Variants in NUBP1 observed in about 807,000 individuals in gnomAD.
NUBP1 encodes the protein NUBP iron-sulfur cluster assembly factor 1, cytosolic.
NUBP1 carries 46 observed loss-of-function variants against 41.8 expected under a neutral mutation model. The observed-to-expected ratio is 1.10, with a 90% CI of 0.87 to 1.41. The LOEUF is 1.41. Ranked by LOEUF, NUBP1 falls within the 40% of genes most tolerant of loss-of-function variation. NUBP1 has a pLI of 0.00. For missense variants in NUBP1, 494 were observed against 414.0 expected (o/e 1.19, Z -1.68); for synonymous variants, 189 against 154.6 (o/e 1.22, Z -1.65).
intron 9 of NUBP1, among the ~76,000 whole-genome samples, chr16:10,762,668 C>A (rs2030142806): frequency 6.6e-6 from 1 of 152,088 alleles, no homozygotes; most frequent in South Asian, 2.1e-4. Flanking sequence ...GGCCGGGATC[C>A]AGGAGTGCCG....
chr16:10,757,811 G>C lies in NUBP1; in HGVS notation c.452-62G>C. 1 of 1,570,854 alleles carries C rather than the reference G, an allele frequency of 6.4e-7. No individual in the cohort carries two copies. The highest frequency in any genetic ancestry group is 1.7e-4 in the Middle Eastern group (1 of 5,878). ...GACCCCATCCTTTAAAAAAAAAAGA[G>C]GGAGTTGAAAGTACAGAAAAGAAAG... is the stretch of plus-strand genomic sequence containing the variant. On this transcript the variant is annotated intron_variant, in intron 6 of 10. Transcript: ENST00000283027. This position sits in a 1 kb window ranked among gnomAD's most constrained non-coding sequence, Gnocchi z 4.1.
rs758416439 is a variant in NUBP1 at position 10,761,402 on chromosome 16, C to A, written c.645C>A (p.Phe215Leu). 1.2e-6 allele frequency: 2 copies of A among 1,614,162 alleles called. No homozygotes were observed. The highest frequency in any genetic ancestry group is 1.7e-6 in the Non-Finnish European group (2 of 1,180,002). The change falls in exon 8 of 11, where the codon TTC (phenylalanine) becomes TTA (leucine). Residue 215 changes from phenylalanine (F) to leucine (L), a missense_variant. Phe to Leu is a conservative substitution (Grantham distance 22). Coordinates refer to ENST00000283027, the MANE Select transcript of NUBP1 (RefSeq NM_002484.4). ...AGGATGTCCGGAAAGAAATCAACTT[C>A]TGCCGCAAGGTGAAGCTGCCCATCA... ...SLQDVRKEIN[F>L]CRKVKLPIIG... is the part of the protein sequence containing the mutation.
At chr16:10,750,369 G>T (rs1900265462) in intron 3 of NUBP1, among the ~76,000 whole-genome samples, 1 of 152,190 alleles carries the variant, frequency 6.6e-6, no homozygotes, top group Non-Finnish European at 1.5e-5. Context: ...AGCCTCTGGA[G>T]TACCTGGGAT....
chr16:10,764,354 TCAGTCTGCTGGAGTATGC>T (rs939937261), intron 9 of NUBP1, among the ~76,000 whole-genome samples: 1 of 152,126 alleles, frequency 6.6e-6, no homozygotes, highest in Non-Finnish European at 1.5e-5. Flanking sequence ...TTGGAGCATC[TCAGTCTGCTGGAGTATGC>T]CAGTCTGTTG....
chr16:10,762,879 C>CT (rs1217556613), intron 9 of NUBP1, among the ~76,000 whole-genome samples: 1 of 151,884 alleles, frequency 6.6e-6, no homozygotes, highest in African/African-American at 2.4e-5. Context: ...CGTGGGGAGC[C>CT]TTGGGGAAGG....
chr16:10,757,798 T>TAAA lies in NUBP1; in HGVS notation c.452-67_452-65dup. 1.6e-6 allele frequency: 2 copies of TAAA among 1,222,236 alleles called. No homozygotes were observed. Among genetic ancestry groups the TAAA allele is most frequent in the Non-Finnish European group, 2.2e-6 (2 of 891,016 alleles). The allele number at this position is 1,222,236 out of a possible 1,614,324, so 75.7% of individuals were successfully genotyped here. On this transcript the variant is annotated intron_variant, in intron 6 of 10. Transcript: ENST00000283027. This position sits in a 1 kb window ranked among gnomAD's most constrained non-coding sequence, Gnocchi z 4.1. ...GGCAACATAGCAAGACCCCATCCTT[T>TAAA]AAAAAAAAAAGAGGGAGTTGAAAGT...
At position 10,764,313 on chromosome 16, in the gene NUBP1, G is replaced by T. The variant is rs188860740; in HGVS notation, c.820+2454G>T. Reference sequence around the variant, plus strand: ...TCTGCTGGAGTATTTGTCTATTGGAGCATCTCAGTCTGCTGGAGTGTGGCA... The same window carrying T: ...TCTGCTGGAGTATTTGTCTATTGGATCATCTCAGTCTGCTGGAGTGTGGCA... On this transcript the variant is annotated intron_variant, in intron 9 of 10. Coordinates refer to ENST00000283027, the MANE Select transcript of NUBP1 (RefSeq NM_002484.4). Among the ~76,000 whole-genome samples the T allele has an allele frequency of 3.3e-5, 5 of 152,360 alleles. No homozygotes were observed. The South Asian group carries it at 1.0e-3, about 32-fold the overall frequency.
At chr16:10,751,506 A>G (rs573368801) in intron 3 of NUBP1, among the ~76,000 whole-genome samples, 16 of 152,232 alleles carry the variant, frequency 1.1e-4, no homozygotes, top group African/African-American at 3.6e-4. Flanking sequence ...GGGTTTGTTG[A>G]GAGGATTGAA....
rs2031186934 is a variant in NUBP1, at chr16:10,768,212, A to G, written c.904+180A>G. 3 of 496,090 alleles carry G rather than the reference A, an allele frequency of 6.0e-6. No individual in the cohort carries two copies. 30.7% of individuals were successfully genotyped at this position (496,090 alleles called of 1,614,324 possible). A position where few individuals can be genotyped will look rare whatever the true frequency, so the allele number is the denominator to read the frequency against. On this transcript the variant is annotated intron_variant, in intron 10 of 10. Transcript: ENST00000283027. The surrounding 1 kb of genome is among the most constrained non-coding windows in gnomAD (Gnocchi z 4.3). Reference sequence around the variant, plus strand: ...CTCAATGTGTGAGTATTGTGAATTAATTCATAGTTTAAAAAACATGGTGAG... The same window carrying G: ...CTCAATGTGTGAGTATTGTGAATTAGTTCATAGTTTAAAAAACATGGTGAG...
chr16:10,749,170 C>T lies in NUBP1; in HGVS notation c.258+1894C>T, dbSNP rs903541694. Among the ~76,000 whole-genome samples the T allele has an allele frequency of 1.5e-4, 22 of 147,354 alleles. No individual in the cohort carries two copies. Among genetic ancestry groups the T allele is most frequent in the Non-Finnish European group, 3.0e-5 (2 of 66,848 alleles). ...ACACACACACACACACACACACACA[C>T]GTTGATTCGTCATTCTGTGAGTCAG... On this transcript the variant is annotated intron_variant, in intron 3 of 10. Coordinates refer to ENST00000283027, the MANE Select transcript of NUBP1 (RefSeq NM_002484.4). This position sits in a 1 kb window ranked among gnomAD's most constrained non-coding sequence, Gnocchi z 4.1.
intron 3 of NUBP1, among the ~76,000 whole-genome samples, chr16:10,748,802 C>T (rs1394253364): frequency 6.6e-6 from 1 of 152,052 alleles, no homozygotes; most frequent in Non-Finnish European, 1.5e-5. Context: ...TCAAAATACA[C>T]TTGTTGGGCA....
Position 10,767,000 on chromosome 16 carries a change from TC to T in NUBP1, c.821-945del, listed in dbSNP as rs1333142136. The T allele has an allele frequency of 1.8e-5, 7 of 398,756 alleles. No homozygotes were observed. In the East Asian group the frequency reaches 2.1e-4, roughly 12 times the overall value. 24.7% of individuals were successfully genotyped at this position (398,756 alleles called of 1,614,324 possible). A position where few individuals can be genotyped will look rare whatever the true frequency, so the allele number is the denominator to read the frequency against. ...CACCAACCCCTCCCCACAGGCTTCTTCCCCGACTTGGACTTCCCTGTCCCAC... is the reference window on the plus strand; with the variant it reads ...CACCAACCCCTCCCCACAGGCTTCTTCCCGACTTGGACTTCCCTGTCCCAC... On this transcript the variant is annotated intron_variant, in intron 9 of 10. Transcript: ENST00000283027. The surrounding 1 kb of genome is among the most constrained non-coding windows in gnomAD (Gnocchi z 4.8).
rs1900682057 is a variant in NUBP1 at position 10,758,028 on chromosome 16, G to A, written c.606+1G>A. On this transcript the variant is annotated splice_donor_variant, in intron 7 of 10. Coordinates refer to ENST00000283027, the MANE Select transcript of NUBP1 (RefSeq NM_002484.4). LOFTEE classifies it high-confidence loss of function. The stretch of plus-strand genomic sequence containing the variant: ...AGCAGTGATCATCACCACTCCCCAG[G>A]TGAGCGAGCTGCCAGCTGGAGCTGG... 1 of 1,611,662 alleles carries A rather than the reference G, an allele frequency of 6.2e-7. No individual in the cohort carries two copies. Among genetic ancestry groups the A allele is most frequent in the South Asian group, 1.1e-5 (1 of 91,054 alleles).
At chr16:10,758,536 C>T (rs939596809) in intron 7 of NUBP1, among the ~76,000 whole-genome samples, 14 of 152,096 alleles carry the variant, frequency 9.2e-5, no homozygotes, top group South Asian at 2.1e-4. Context: ...AACCATTCAA[C>T]GATTTGGTTT....
At position 10,767,630 on chromosome 16, in the gene NUBP1, T is replaced by C; in HGVS notation, c.821-319T>C. On this transcript the variant is annotated intron_variant, in intron 9 of 10. Transcript: ENST00000283027. This position sits in a 1 kb window ranked among gnomAD's most constrained non-coding sequence, Gnocchi z 4.6. ...TTTTAACCATGTGCATTCATGATCC[T>C]TTCACTCAAAAGCTAATCTCTTAAA... The C allele has an allele frequency of 2.3e-6, 1 of 435,308 alleles. No homozygotes were observed. Among genetic ancestry groups the C allele is most frequent in the Non-Finnish European group, 4.0e-6 (1 of 246,994 alleles). 27.0% of individuals were successfully genotyped at this position (435,308 alleles called of 1,614,324 possible).
chr16:10,748,840 A>G (rs1254159641), intron 3 of NUBP1, among the ~76,000 whole-genome samples: 1 of 152,142 alleles, frequency 6.6e-6, no homozygotes, highest in Non-Finnish European at 1.5e-5. Context: ...CTGTAATCAC[A>G]GCACTTTGGG....
chr16:10,758,095 G>A (rs755292748), intron 7 of NUBP1, 68 bp downstream of exon 7: 495 of 1,557,002 alleles, frequency 3.2e-4, no homozygotes, highest in Non-Finnish European at 4.1e-4. Flanking sequence ...TTTCCTACCT[G>A]GCTCTGATAC....
Position 10,761,796 on chromosome 16 carries a change from G to C in NUBP1, c.757G>C (p.Glu253Gln). 1 of 1,614,086 alleles carries C rather than the reference G, an allele frequency of 6.2e-7. No homozygotes were observed. The highest frequency in any genetic ancestry group is 1.1e-5 in the South Asian group (1 of 91,078). Reference protein sequence around the residue: ...QIFPPTTGGAELMCQDLEVPL... With the variant: ...QIFPPTTGGAQLMCQDLEVPL... ...ATTCCCTCCCACAACCGGGGGCGCG[G>C]AGCTCATGTGCCAGGACTTGGAGGT... is the stretch of plus-strand genomic sequence containing the variant. The change falls in exon 9 of 11, where the codon GAG becomes CAG. Residue 253 changes from glutamate (E) to glutamine (Q), a missense_variant. Physicochemically the swap from Glu to Gln is conservative, Grantham distance 29. Transcript: ENST00000283027.
intron 6 of NUBP1, 108 bp downstream of exon 6, chr16:10,756,888 T>A: frequency 1.2e-6 from 1 of 813,374 alleles, no homozygotes; most frequent in Non-Finnish European, 1.9e-6. Flanking sequence ...GACTTCACAG[T>A]ATATTATTTT....
Sources: allele counts gnomAD v4.1 joint callset (sites outside exome capture counted in the v4.1 genomes callset), GRCh38; gene constraint gnomAD v4.1.1; non-coding constraint Gnocchi (gnomAD v3.1); transcripts MANE v1.5; gene names NCBI Gene and HGNC (gene_info 2026-07-23, HGNC 2026-07-21).